Variants in PLXNA4 observed in about 807,000 individuals in gnomAD.
The protein encoded by PLXNA4 is plexin-A4.
A neutral mutation model predicts 191.8 loss-of-function variants in PLXNA4; 44 were observed. The ratio of observed to expected loss-of-function variants is 0.23; its 90% CI spans 0.18 to 0.29. The LOEUF (loss-of-function observed/expected upper bound fraction) is 0.29. Ranked by LOEUF, PLXNA4 falls within the 10% of genes least tolerant of loss-of-function variation. PLXNA4 has a pLI of 1.00. For synonymous variants in PLXNA4, 1,082 were observed against 1,009.5 expected, an observed-to-expected ratio of 1.07 and a Z score of -1.36; for missense variants, 1,800 against 2,488.8, an observed-to-expected ratio of 0.72 and a Z score of 5.89.
intron 4 of PLXNA4, among the ~76,000 whole-genome samples, chr7:132,283,724 A>C (rs1800575125): frequency 6.6e-6 from 1 of 152,268 alleles, no homozygotes; most frequent in East Asian, 1.9e-4. Flanking sequence ...TCCACAATGC[A>C]CCAATCACTC....
Position 132,306,144 on chromosome 7 carries a change from A to G in PLXNA4, c.1372-7922T>C, listed in dbSNP as rs567935154. Among the ~76,000 whole-genome samples, 6 of 152,292 alleles carry G rather than the reference A, an allele frequency of 3.9e-5. No homozygotes were observed. In the East Asian group the frequency reaches 9.7e-4, roughly 25 times the overall value. On this transcript the variant is annotated intron_variant, in intron 3 of 31. Coordinates refer to ENST00000321063, the MANE Select transcript of PLXNA4 (RefSeq NM_020911.2). ...GCCTTGCTCACAGGGCCAGAGGTGGAGGGGCTTGTGCGGAGGCGCCCCATA... is the reference window on the plus strand; with the variant it reads ...GCCTTGCTCACAGGGCCAGAGGTGGGGGGGCTTGTGCGGAGGCGCCCCATA...
At chr7:132,385,471 C>T (rs762255013) in intron 3 of PLXNA4, among the ~76,000 whole-genome samples, 2 of 152,194 alleles carry the variant, frequency 1.3e-5, no homozygotes, top group Non-Finnish European at 2.9e-5. Flanking sequence ...GCAGAACTAA[C>T]AAGGCCACAG....
chr7:132,515,054 T>C (rs1247577563), intron 1 of PLXNA4, among the ~76,000 whole-genome samples: 3 of 152,028 alleles, frequency 2.0e-5, no homozygotes, highest in Admixed American at 2.0e-4. Context: ...GGCATAGTGA[T>C]TGGATCAGGA....
intron 3 of PLXNA4, among the ~76,000 whole-genome samples, chr7:132,488,727 G>T (rs1797660557): frequency 6.6e-6 from 1 of 152,180 alleles, no homozygotes; most frequent in South Asian, 2.1e-4. Context: ...CAGGGGAAAG[G>T]TCAGGTCCCC....
chr7:132,131,053 A>C (rs1440793033), intron 31 of PLXNA4, among the ~76,000 whole-genome samples: 1 of 152,166 alleles, frequency 6.6e-6, no homozygotes, highest in African/African-American at 2.4e-5. Context: ...TGAGGCCCCA[A>C]ATTCTACATT....
At position 132,159,636 on chromosome 7, in the gene PLXNA4, A is replaced by C. The variant is rs146283224; in HGVS notation, c.4501-4T>G. ...CTGGGCTGACACAGCTCAGGACCTG[A>C]AGGAAAGGTGGGGAGAGGAAGCATA... On this transcript the variant is annotated splice_region_variant and splice_polypyrimidine_tract_variant and intron_variant, in intron 24 of 31. Transcript: ENST00000321063. 7.0e-4 allele frequency: 1,133 copies of C among 1,613,720 alleles called. 7 individuals are homozygous for C. The African/African-American group carries it at 0.013, about 19-fold the overall frequency.
rs146345671 is a variant in PLXNA4, at chr7:132,507,185, C to T, written c.1188+321G>A. ...CTGTGATCTAGACTCCAGCCATGCC[C>T]GGTCCCTACGACATCCATTTGACAC... On this transcript the variant is annotated intron_variant, in intron 2 of 31. Coordinates refer to ENST00000321063, the MANE Select transcript of PLXNA4 (RefSeq NM_020911.2). 4.2e-3 allele frequency among the ~76,000 whole-genome samples: 640 copies of T among 152,264 alleles called. 3 individuals carry two copies. Among genetic ancestry groups the T allele is most frequent in the Non-Finnish European group, 7.6e-3 (515 of 68,034 alleles).
rs757070272 is a variant in PLXNA4 at position 132,168,584 on chromosome 7, C to T, written c.4018-12G>A. The T allele has an allele frequency of 6.4e-7, 1 of 1,556,628 alleles. No individual in the cohort carries two copies. The highest frequency in any genetic ancestry group is 1.2e-5 in the South Asian group (1 of 81,148). On this transcript the variant is annotated splice_polypyrimidine_tract_variant and intron_variant, in intron 21 of 31. Coordinates refer to ENST00000321063, the MANE Select transcript of PLXNA4 (RefSeq NM_020911.2). ...CGGTAGCCCGGGACCTGCAGAGAGA[C>T]CTAGGAGTCGTGATGCCATTGGCAG...
At chr7:132,347,257 G>A (rs1180191375) in intron 3 of PLXNA4, among the ~76,000 whole-genome samples, 1 of 152,146 alleles carries the variant, frequency 6.6e-6, no homozygotes, top group African/African-American at 2.4e-5. Flanking sequence ...TCCTTTTCTA[G>A]CCCAGAAAGG....
At chr7:132,227,377 C>T (rs987901524) in intron 7 of PLXNA4, 74 bp downstream of exon 7, 9 of 1,587,426 alleles carry the variant, frequency 5.7e-6, no homozygotes, top group Non-Finnish European at 7.7e-6. Context: ...TTGATCCCCC[C>T]ACATCTGTCC....
chr7:132,628,357 T>G (rs1803423113), intron 2 of PLXNA4, among the ~76,000 whole-genome samples: 1 of 150,298 alleles, frequency 6.7e-6, no homozygotes, highest in Admixed American at 6.6e-5. Context: ...TCTCGCTCTC[T>G]CTCTCTCTCT....
chr7:132,145,521 G>A (rs560987916), intron 28 of PLXNA4: 227 of 551,182 alleles, frequency 4.1e-4, no homozygotes, highest in Non-Finnish European at 6.5e-4. Flanking sequence ...CTGGACCTAC[G>A]TAAGGCTTCC....
At chr7:132,381,287 G>T (rs778049519) in intron 3 of PLXNA4, among the ~76,000 whole-genome samples, 1 of 152,186 alleles carries the variant, frequency 6.6e-6, no homozygotes, top group African/African-American at 2.4e-5. Flanking sequence ...ATCTGATCTT[G>T]TCCCTTCTAG....
intron 2 of PLXNA4, among the ~76,000 whole-genome samples, chr7:132,502,019 A>C (rs544547779): frequency 8.5e-5 from 13 of 152,344 alleles, no homozygotes; most frequent in African/African-American, 2.4e-4. Flanking sequence ...CATAAACAAC[A>C]GGATACAACC....
intron 3 of PLXNA4, among the ~76,000 whole-genome samples, chr7:132,337,988 T>C (rs920975590): frequency 3.3e-5 from 5 of 152,136 alleles, no homozygotes; most frequent in Non-Finnish European, 7.4e-5. Context: ...TCTTCTCTTG[T>C]GGTGGGGAAG....
intron 3 of PLXNA4, among the ~76,000 whole-genome samples, chr7:132,409,685 C>G: frequency 6.6e-6 from 1 of 152,220 alleles, no homozygotes; most frequent in African/African-American, 2.4e-5. Context: ...CTTTGGCCAT[C>G]TTTCCCACCG....
In PLXNA4 at chr7:132,203,404, T is replaced by A; in HGVS notation, c.2314A>T (p.Met772Leu). ...CQNTSYSYEG[M>L]EINNLPVELT... ...TCCACGGGCAGGTTGTTGATCTCCA[T>A]CCCTTCATAGGAATACTGCAGCCAG... Residue 772 changes from methionine (M) to leucine (L), a missense_variant, in exon 11 of 32, where the codon ATG becomes TTG. By Grantham distance (15) the Met-to-Leu change is conservative. Coordinates refer to ENST00000321063, the MANE Select transcript of PLXNA4 (RefSeq NM_020911.2). 6.2e-7 allele frequency: 1 copy of A among 1,614,032 alleles called. No homozygotes were observed. Among genetic ancestry groups the A allele is most frequent in the Non-Finnish European group, 8.5e-7 (1 of 1,179,962 alleles).
At chr7:132,191,771 C>T (rs57239769) in intron 14 of PLXNA4, among the ~76,000 whole-genome samples, 3 of 40,760 alleles carry the variant, frequency 7.4e-5, no homozygotes, top group South Asian at 1.3e-3. Context: ...CTCCTCTCTC[C>T]ATCTCTCTCT....
chr7:132,271,691 G>C (rs1382555399), intron 4 of PLXNA4, among the ~76,000 whole-genome samples: 1 of 152,112 alleles, frequency 6.6e-6, no homozygotes, highest in Non-Finnish European at 1.5e-5. Context: ...TAACTATCAA[G>C]CAGAGGTCAA....
Sources: gnomAD v4.1 joint callset for allele counts (sites outside exome capture counted in the v4.1 genomes callset) on GRCh38, gnomAD v4.1.1 for gene constraint, MANE v1.5 for transcripts, NCBI Gene and HGNC (gene_info 2026-07-23, HGNC 2026-07-21) for gene names.